WASHC2C: variants seen among roughly 807,000 people sequenced by gnomAD.
WASHC2C encodes the protein WASH complex subunit 2C.
In WASHC2C, 73 loss-of-function variants were observed where a neutral mutation model predicts 142.2. That is an observed-to-expected ratio of 0.51 (90% CI 0.43 to 0.62). The LOEUF (loss-of-function observed/expected upper bound fraction) is 0.62. Among genes scored for constraint, WASHC2C ranks in the 20% least tolerant of loss-of-function variants. The probability of loss-of-function intolerance (pLI) is 0.00; values close to 1 mark genes in which losing one functional copy is unlikely to be tolerated. For synonymous variants in WASHC2C, 337 were observed against 565.5 expected, an observed-to-expected ratio of 0.60 and a Z score of 5.73; for missense variants, 969 against 1,531.7, an observed-to-expected ratio of 0.63 and a Z score of 6.13.
intron 21 of WASHC2C, among the ~76,000 whole-genome samples, chr10:45,774,774 G>C (rs1470061322): frequency 1.9e-5 from 2 of 104,372 alleles, no homozygotes; most frequent in African/African-American, 7.1e-5. Flanking sequence ...GCGTCCCAGA[G>C]TGGGCCACAC....
intron 3 of WASHC2C, among the ~76,000 whole-genome samples, chr10:45,731,060 C>G (rs1460503361): frequency 6.7e-6 from 1 of 149,092 alleles, no homozygotes; most frequent in Non-Finnish European, 1.5e-5. Flanking sequence ...TTCTCCAGCT[C>G]TTTTCTAGCC....
chr10:45,756,443 A>G (rs1427715686), intron 15 of WASHC2C, among the ~76,000 whole-genome samples: 1 of 152,240 alleles, frequency 6.6e-6, no homozygotes, highest in Non-Finnish European at 1.5e-5. Context: ...ACATTGTTCA[A>G]ATTATCTTCT....
intron 19 of WASHC2C, among the ~76,000 whole-genome samples, chr10:45,767,250 C>T (rs1387332942): frequency 2.0e-5 from 3 of 149,122 alleles, no homozygotes; most frequent in East Asian, 2.0e-4. Flanking sequence ...GCCTGGGCAA[C>T]GAGCGAAACT....
chr10:45,745,221 G>A (rs192592647), intron 7 of WASHC2C, among the ~76,000 whole-genome samples: 147 of 152,196 alleles, frequency 9.7e-4, no homozygotes, highest in African/African-American at 2.2e-3. Flanking sequence ...AGTATATTCC[G>A]TCTTTGAATA....
intron 17 of WASHC2C, 148 bp downstream of exon 17, chr10:45,759,549 G>A: frequency 6.9e-7 from 1 of 1,457,762 alleles, no homozygotes; most frequent in Non-Finnish European, 9.2e-7. Context: ...GCAAGGAGTG[G>A]TGGTTCATGC....
chr10:45,730,831 G>A (rs1554861961), intron 3 of WASHC2C, among the ~76,000 whole-genome samples: 1 of 152,032 alleles, frequency 6.6e-6, no homozygotes, highest in East Asian at 1.9e-4. Flanking sequence ...GAGTTAGCCA[G>A]GATGATCTCG....
Position 45,763,815 on chromosome 10 carries a change from C to A in WASHC2C, c.1737+326C>A, listed in dbSNP as rs186853668. 4.0e-3 allele frequency among the ~76,000 whole-genome samples: 604 copies of A among 151,946 alleles called. 5 individuals carry two copies. The highest frequency in any genetic ancestry group is 0.014 in the African/African-American group (578 of 41,390). ...TAACCGGGTTCAGGTGATTCTCCTG[C>A]CTCGACCTCCCAAGTAGCTGGGACT... On this transcript the variant is annotated intron_variant, in intron 18 of 30. Transcript: ENST00000623400.
At chr10:45,762,301 C>T (rs1165966450) in intron 17 of WASHC2C, among the ~76,000 whole-genome samples, 1 of 152,218 alleles carries the variant, frequency 6.6e-6, no homozygotes, top group African/African-American at 2.4e-5. Context: ...CAACCTCTGC[C>T]TTCCAGGTTC....
intron 6 of WASHC2C, 66 bp downstream of exon 6, chr10:45,743,549 T>G (rs1462139628): frequency 2.5e-5 from 40 of 1,572,258 alleles, no homozygotes; most frequent in Non-Finnish European, 3.4e-5. Context: ...TAATTTCAAA[T>G]TTTACATTAA....
chr10:45,769,660 G>A (rs1554883905), intron 20 of WASHC2C, 42 bp downstream of exon 20: 2 of 1,611,260 alleles, frequency 1.2e-6, no homozygotes, highest in African/African-American at 2.7e-5. Context: ...CCATTACCGT[G>A]GTAACAAGAA....
rs1554873289 is a variant in WASHC2C, at chr10:45,749,851, A to ATATT, written c.733-242_733-241insTTAT. Among the ~76,000 whole-genome samples the ATATT allele has an allele frequency of 6.8e-3, 738 of 107,970 alleles. 22 individuals carry two copies. Among genetic ancestry groups the ATATT allele is most frequent in the African/African-American group, 9.5e-3 (233 of 24,646 alleles). The allele number at this position is 107,970 out of a possible 152,430, so 70.8% of individuals were successfully genotyped here. ...AAAAAAAAAAAATATATATATATATATATATTTATATATATATATATTTAT... is the reference window on the plus strand; with the variant it reads ...AAAAAAAAAAAATATATATATATATATATTTATATTTATATATATATATATTTAT... On this transcript the variant is annotated intron_variant, in intron 8 of 30. Coordinates refer to ENST00000623400, the MANE Select transcript of WASHC2C (RefSeq NM_001330074.2).
chr10:45,779,983 C>CAAAA (rs1212129330), intron 23 of WASHC2C, among the ~76,000 whole-genome samples: 78 of 68,912 alleles, frequency 1.1e-3, no homozygotes, highest in African/African-American at 3.8e-3. Context: ...GACTCCATCT[C>CAAAA]AAAAAAAAAA....
At chr10:45,749,442 A>T (rs1166618041) in intron 8 of WASHC2C, among the ~76,000 whole-genome samples, 1 of 150,858 alleles carries the variant, frequency 6.6e-6, no homozygotes, top group African/African-American at 2.5e-5. Context: ...TCTCAAAAAT[A>T]AATAAATAAA....
intron 2 of WASHC2C, among the ~76,000 whole-genome samples, chr10:45,728,520 C>T (rs1443451270): frequency 2.0e-5 from 3 of 151,778 alleles, no homozygotes; most frequent in African/African-American, 4.8e-5. Context: ...GGGCGAATCA[C>T]GAGGTCAGGA....
chr10:45,743,401 T>G lies in WASHC2C; in HGVS notation c.540T>G (p.Ile180Met). The G allele has an allele frequency of 6.2e-7, 1 of 1,611,970 alleles. No homozygotes were observed. The highest frequency in any genetic ancestry group is 8.5e-7 in the Non-Finnish European group (1 of 1,179,848). Residue 180 changes from isoleucine (I) to methionine (M), a missense_variant, in exon 6 of 31, where the codon ATT becomes ATG. By Grantham distance (10) the Ile-to-Met change is conservative. Coordinates refer to ENST00000623400, the MANE Select transcript of WASHC2C (RefSeq NM_001330074.2). ...ELILEPKDLY[I>M]DRPLPYLIGS... ...TTCATCATGTACAGGATCTATACATTGATCGTCCTTTACCATATCTCATTG... is the reference window on the plus strand; with the variant it reads ...TTCATCATGTACAGGATCTATACATGGATCGTCCTTTACCATATCTCATTG...
chr10:45,757,293 AC>A (rs2054426755), intron 16 of WASHC2C, among the ~76,000 whole-genome samples, 154 bp downstream of exon 16: 1 of 148,564 alleles, frequency 6.7e-6, no homozygotes, highest in South Asian at 2.2e-4. Flanking sequence ...CACCCAAATA[AC>A]TGCCACCCAG....
intron 13 of WASHC2C, among the ~76,000 whole-genome samples, chr10:45,754,271 T>A (rs542030624): frequency 7.3e-6 from 1 of 136,982 alleles, no homozygotes; most frequent in Non-Finnish European, 1.7e-5. Flanking sequence ...CTCTTCCATT[T>A]GAGTCACAGC....
intron 23 of WASHC2C, among the ~76,000 whole-genome samples, chr10:45,784,291 C>CATATAT (rs1270243147): frequency 0.014 from 124 of 8,664 alleles, 1 homozygote; most frequent in South Asian, 0.029. Context: ...TATATATATA[C>CATATAT]ACATATATAT....
At chr10:45,769,137 A>T (rs1474070030) in intron 19 of WASHC2C, among the ~76,000 whole-genome samples, 2 of 151,832 alleles carry the variant, frequency 1.3e-5, no homozygotes, top group African/African-American at 4.8e-5. Flanking sequence ...CTTTTTTTTG[A>T]GACAGAGTCT....
Sources: gnomAD v4.1 joint callset for allele counts (sites outside exome capture counted in the v4.1 genomes callset) on GRCh38, gnomAD v4.1.1 for gene constraint, MANE v1.5 for transcripts, NCBI Gene and HGNC (gene_info 2026-07-23, HGNC 2026-07-21) for gene names.